Variants in ARL15 observed in about 807,000 individuals in gnomAD.
The protein encoded by ARL15 is ARF like GTPase 15.
In ARL15, 19 loss-of-function variants were observed where a neutral mutation model predicts 25.2. That is an observed-to-expected ratio of 0.75 (90% CI 0.53 to 1.10). The LOEUF (loss-of-function observed/expected upper bound fraction) is 1.10, where lower values mean the gene tolerates loss of function less well. Ranked by LOEUF, ARL15 falls within the 50% of genes least tolerant of loss-of-function variation. The pLI, the probability that ARL15 is intolerant of heterozygous loss-of-function variation, is 0.00. For missense variants in ARL15, 220 were observed against 246.0 expected, an observed-to-expected ratio of 0.89 and a Z score of 0.71; for synonymous variants, 94 against 86.8, an observed-to-expected ratio of 1.08 and a Z score of -0.46.
At chr5:53,937,922 A>C (rs781430759) in intron 4 of ARL15, among the ~76,000 whole-genome samples, 1 of 152,094 alleles carries the variant, frequency 6.6e-6, no homozygotes, top group Non-Finnish European at 1.5e-5. Context: ...GTTTAACCAT[A>C]ATATCATCAC....
At chr5:54,294,205 C>A (rs956148604) in intron 1 of ARL15, among the ~76,000 whole-genome samples, 2 of 152,212 alleles carry the variant, frequency 1.3e-5, no homozygotes, top group African/African-American at 4.8e-5. Context: ...ACTAACCCAG[C>A]GGCTGGCAAA....
At chr5:54,071,233 T>C (rs1026558622) in intron 4 of ARL15, among the ~76,000 whole-genome samples, 7 of 152,138 alleles carry the variant, frequency 4.6e-5, no homozygotes, top group African/African-American at 1.4e-4. Context: ...TATTCAATTA[T>C]AGCAACAGCA....
At chr5:54,301,617 C>G (rs1758617794) in intron 1 of ARL15, among the ~76,000 whole-genome samples, 1 of 152,168 alleles carries the variant, frequency 6.6e-6, no homozygotes, top group Non-Finnish European at 1.5e-5. Flanking sequence ...AAATAAAACT[C>G]TGAAAGAATT....
At chr5:54,163,718 A>T (rs145230904) in intron 2 of ARL15, among the ~76,000 whole-genome samples, 1 of 151,856 alleles carries the variant, frequency 6.6e-6, no homozygotes, top group Non-Finnish European at 1.5e-5. Flanking sequence ...TCCCTTATTA[A>T]CCTCTTACTA....
At chr5:54,093,302 C>A (rs1285538025) in intron 4 of ARL15, among the ~76,000 whole-genome samples, 3 of 152,164 alleles carry the variant, frequency 2.0e-5, no homozygotes, top group Non-Finnish European at 4.4e-5. Flanking sequence ...AGCCAAATGC[C>A]TAGGCCAGGG....
intron 1 of ARL15, among the ~76,000 whole-genome samples, chr5:54,188,814 G>A (rs1579891058): frequency 6.6e-6 from 1 of 151,986 alleles, no homozygotes; most frequent in East Asian, 1.9e-4. Context: ...TTTCTTAGAG[G>A]GCTTCCAAAG....
chr5:54,084,130 G>C (rs1293815042), intron 4 of ARL15, among the ~76,000 whole-genome samples: 1 of 152,176 alleles, frequency 6.6e-6, no homozygotes, highest in African/African-American at 2.4e-5. Flanking sequence ...GCCAGGCTAG[G>C]GGTGAAGGGC....
chr5:53,959,486 G>A (rs1024563328), intron 4 of ARL15, among the ~76,000 whole-genome samples: 4 of 152,208 alleles, frequency 2.6e-5, no homozygotes, highest in Non-Finnish European at 5.9e-5. Context: ...ATTAAGAAAC[G>A]AAGAGCCTAG....
At position 54,071,047 on chromosome 5, in the gene ARL15, GC is replaced by G. The variant is rs1412754498; in HGVS notation, c.462+42154del. Among the ~76,000 whole-genome samples, 40 of 151,992 alleles carry G rather than the reference GC, an allele frequency of 2.6e-4. 1 individual carries two copies. The highest frequency in any genetic ancestry group is 5.3e-4 in the Non-Finnish European group (36 of 67,984). On this transcript the variant is annotated intron_variant, in intron 4 of 4. Coordinates refer to ENST00000504924, the MANE Select transcript of ARL15 (RefSeq NM_019087.3). ...TAGCCAGGGGTGGTGGCACATGCCT[GC>G]AGTCCCTGCTACTTGGGAGGCTGAG...
At chr5:53,892,384 A>G (rs971187774) in intron 4 of ARL15, among the ~76,000 whole-genome samples, 1 of 152,158 alleles carries the variant, frequency 6.6e-6, no homozygotes, top group African/African-American at 2.4e-5. Context: ...CAGGAAAAAG[A>G]AGTGCAACTG....
intron 4 of ARL15, among the ~76,000 whole-genome samples, chr5:54,108,414 T>A (rs1752649025): frequency 6.6e-6 from 1 of 152,162 alleles, no homozygotes. Context: ...ATCAGTATTC[T>A]AAAATGCTGC....
chr5:54,287,375 A>G (rs1455018332), intron 1 of ARL15, among the ~76,000 whole-genome samples: 1 of 152,010 alleles, frequency 6.6e-6, no homozygotes, highest in Non-Finnish European at 1.5e-5. Flanking sequence ...GAAACAGAGT[A>G]GAGGCATCAA....
chr5:54,189,348 G>C (rs1202619319), intron 1 of ARL15, among the ~76,000 whole-genome samples: 2 of 151,816 alleles, frequency 1.3e-5, no homozygotes, highest in East Asian at 3.9e-4. Context: ...AAACAATCTT[G>C]AAAACAAAGA....
At chr5:54,018,880 G>T (rs1302082277) in intron 4 of ARL15, among the ~76,000 whole-genome samples, 2 of 151,936 alleles carry the variant, frequency 1.3e-5, no homozygotes, top group Non-Finnish European at 1.5e-5. Flanking sequence ...CTAAACACCC[G>T]GAGTGAATAA....
intron 4 of ARL15, among the ~76,000 whole-genome samples, chr5:54,075,089 A>AAAAAAAG (rs1751554520): frequency 6.6e-6 from 1 of 150,510 alleles, no homozygotes; most frequent in South Asian, 2.1e-4. Flanking sequence ...AAAAAAAAAA[A>AAAAAAAG]AAAGTCCTGG....
At chr5:54,116,923 A>C (rs1317656733) in intron 3 of ARL15, among the ~76,000 whole-genome samples, 1 of 152,228 alleles carries the variant, frequency 6.6e-6, no homozygotes, top group Admixed American at 6.5e-5. Flanking sequence ...CTAGGAGAAA[A>C]GAAATGGAAC....
At chr5:53,972,905 A>C (rs1470324757) in intron 4 of ARL15, among the ~76,000 whole-genome samples, 2 of 152,188 alleles carry the variant, frequency 1.3e-5, no homozygotes, top group Non-Finnish European at 2.9e-5. Context: ...CAAGTTTAAT[A>C]CTAGCAGAGT....
chr5:54,098,233 C>T (rs889061302), intron 4 of ARL15, among the ~76,000 whole-genome samples: 3 of 152,086 alleles, frequency 2.0e-5, no homozygotes, highest in African/African-American at 7.2e-5. Flanking sequence ...GATCTGAAAG[C>T]GTTCTAATAC....
At chr5:54,133,262 AG>A (rs1753491036) in intron 3 of ARL15, among the ~76,000 whole-genome samples, 1 of 152,232 alleles carries the variant, frequency 6.6e-6, no homozygotes, top group Admixed American at 6.5e-5. Flanking sequence ...TAGATACTGA[AG>A]GTTAAATTAT....
Sources: gnomAD v4.1 joint callset for allele counts (sites outside exome capture counted in the v4.1 genomes callset) on GRCh38, gnomAD v4.1.1 for gene constraint, MANE v1.5 for transcripts, NCBI Gene and HGNC (gene_info 2026-07-23, HGNC 2026-07-21) for gene names.